DAB1: variants seen among roughly 807,000 people sequenced by gnomAD.
DAB1 encodes DAB adaptor protein 1, also known as disabled homolog 1.
In DAB1, 15 loss-of-function variants were observed where a neutral mutation model predicts 64.6. That is an observed-to-expected ratio of 0.23 (90% CI 0.16 to 0.36). The LOEUF is 0.36. Among genes scored for constraint, DAB1 ranks in the 10% least tolerant of loss-of-function variants. The pLI is 1.00. For synonymous variants in DAB1, 235 were observed against 251.9 expected (o/e 0.93, Z 0.64); for missense variants, 596 against 706.7 (o/e 0.84, Z 1.78).
intron 1 of DAB1, chr1:57,866,415 T>G (rs1654302549): frequency 6.6e-6 from 1 of 152,156 alleles, no homozygotes; most frequent in Non-Finnish European, 1.5e-5. Context: ...ATTAATGCTC[T>G]CCATTTCTTC....
At chr1:57,952,799 G>A (rs1339928094) in intron 5 of DAB1, among the ~76,000 whole-genome samples, 2 of 152,122 alleles carry the variant, frequency 1.3e-5, no homozygotes, top group East Asian at 1.9e-4. Context: ...TAAGAACAAG[G>A]TCCAACACCA....
chr1:58,297,571 A>G (rs1269309967), intron 4 of DAB1, among the ~76,000 whole-genome samples: 1 of 152,138 alleles, frequency 6.6e-6, no homozygotes, highest in Non-Finnish European at 1.5e-5. Flanking sequence ...CAGGTTCAGG[A>G]GACACAGGGA....
intron 5 of DAB1, among the ~76,000 whole-genome samples, chr1:58,069,226 C>G (rs1649070890): frequency 6.6e-6 from 1 of 152,208 alleles, no homozygotes; most frequent in South Asian, 2.1e-4. Context: ...GCACTTACAT[C>G]TATTGCCTGC....
chr1:57,949,752 C>T (rs1263295989), intron 5 of DAB1, among the ~76,000 whole-genome samples: 1 of 152,062 alleles, frequency 6.6e-6, no homozygotes, highest in Non-Finnish European at 1.5e-5. Context: ...TTTCAACAGT[C>T]TAATAATTTT....
intron 5 of DAB1, among the ~76,000 whole-genome samples, chr1:57,981,691 T>A (rs552329214): frequency 3.3e-5 from 5 of 152,190 alleles, no homozygotes; most frequent in Non-Finnish European, 5.9e-5. Context: ...CTGAATGACA[T>A]GGCAAAAATC....
chr1:58,253,416 A>C (rs1158563799), intron 4 of DAB1, among the ~76,000 whole-genome samples: 1 of 152,202 alleles, frequency 6.6e-6, no homozygotes, highest in African/African-American at 2.4e-5. Flanking sequence ...CTGAGTGTAA[A>C]TATCCTCCCC....
intron 1 of DAB1, chr1:58,538,871 A>C: frequency 1.1e-6 from 1 of 872,630 alleles, no homozygotes; most frequent in East Asian, 2.4e-5. Context: ...GCAGCTTGAA[A>C]CCGTGGAGAA....
In DAB1 at chr1:58,364,733, G is replaced by A. The variant is rs147271060; in HGVS notation, n.258-21330C>T. The stretch of plus-strand genomic sequence containing the variant: ...TATATACATGTGTGTATGTGTACTT[G>A]TAACAAACAAGGGGAAAAAATCCAC... On this transcript the variant is annotated intron_variant and non_coding_transcript_variant, in intron 3 of 20. Transcript: ENST00000485760. Among the ~76,000 whole-genome samples the A allele has an allele frequency of 1.5e-4, 23 of 152,346 alleles. No individual in the cohort carries two copies. In the East Asian group the frequency reaches 4.4e-3, roughly 29 times the overall value.
chr1:58,391,911 G>C (rs1339524265), intron 3 of DAB1, among the ~76,000 whole-genome samples: 1 of 152,122 alleles, frequency 6.6e-6, no homozygotes, highest in African/African-American at 2.4e-5. Flanking sequence ...GTAGAAACTG[G>C]GTAAGTAAGC....
At chr1:57,143,993 A>C (rs2100819249) in intron 3 of DAB1, among the ~76,000 whole-genome samples, 2 of 151,804 alleles carry the variant, frequency 1.3e-5, no homozygotes, top group East Asian at 3.9e-4. Context: ...AAAAAGTCCC[A>C]AGACAGGAAA....
At chr1:58,056,397 T>A (rs370825664) in intron 5 of DAB1, 923 of 1,568,656 alleles carry the variant, frequency 5.9e-4, no homozygotes, top group Non-Finnish European at 7.7e-4. Context: ...TGGGCACGCA[T>A]CGGGCACAGT....
At chr1:57,069,232 C>T in intron 8 of DAB1, 128 bp downstream of exon 8, 1 of 727,926 alleles carries the variant, frequency 1.4e-6, no homozygotes, top group East Asian at 2.6e-5. Context: ...GAACTAGAAG[C>T]CATTTCACTC....
intron 5 of DAB1, among the ~76,000 whole-genome samples, chr1:57,987,423 A>T (rs1319133926): frequency 6.6e-6 from 1 of 152,178 alleles, no homozygotes; most frequent in Non-Finnish European, 1.5e-5. Context: ...CCTAGTTATA[A>T]AGAAGAGCAA....
chr1:57,922,845 C>CAAAAAAAAA lies in DAB1; in HGVS notation n.388-38692_388-38684dup, dbSNP rs367897659. On this transcript the variant is annotated intron_variant and non_coding_transcript_variant, in intron 5 of 20. Transcript: ENST00000485760. ...TGGGTGACAAAGCGAGACTCCATCT[C>CAAAAAAAAA]AAAAAAAAAAAAAAAAAAAAAAAGA... Among the ~76,000 whole-genome samples, 46 of 45,010 alleles carry CAAAAAAAAA rather than the reference C, an allele frequency of 1.0e-3. 1 individual carries two copies. Among genetic ancestry groups the CAAAAAAAAA allele is most frequent in the African/African-American group, 5.0e-3 (44 of 8,854 alleles). The allele number at this position is 45,010 out of a possible 152,430, so 29.5% of individuals were successfully genotyped here.
chr1:58,122,700 T>C (rs146543032), intron 5 of DAB1, among the ~76,000 whole-genome samples: 54 of 152,288 alleles, frequency 3.5e-4, no homozygotes, highest in African/African-American at 1.2e-3. Flanking sequence ...CACTAGGTGA[T>C]CTTGAAAAAG....
chr1:57,606,164 C>T (rs977780493), intron 7 of DAB1: 2 of 222,902 alleles, frequency 9.0e-6, no homozygotes, highest in Admixed American at 6.4e-5. Context: ...TGAATTGCCA[C>T]CTCCGGCTCC....
At chr1:58,508,684 T>A (rs888405375) in intron 2 of DAB1, among the ~76,000 whole-genome samples, 1 of 152,114 alleles carries the variant, frequency 6.6e-6, no homozygotes, top group African/African-American at 2.4e-5. Context: ...GCCAGCCTTG[T>A]AGCACTGATG....
rs1658204827 is a variant in DAB1 at position 57,137,218 on chromosome 1, T to C, written c.208-577A>G. On this transcript the variant is annotated intron_variant, in intron 3 of 14. Coordinates refer to ENST00000371236, the MANE Select transcript of DAB1 (RefSeq NM_001365792.1). ...GATATTTTGTGTTTACCACTACCCT[T>C]GTTCCTCTCATTCTCACATTCCATT... is the stretch of plus-strand genomic sequence containing the variant. Among the ~76,000 whole-genome samples, 3 of 152,222 alleles carry C rather than the reference T, an allele frequency of 2.0e-5. No individual in the cohort carries two copies. In the South Asian group the frequency reaches 6.2e-4, roughly 31 times the overall value.
chr1:58,039,196 A>G (rs1046245090), intron 5 of DAB1, among the ~76,000 whole-genome samples: 4 of 152,148 alleles, frequency 2.6e-5, no homozygotes, highest in African/African-American at 7.2e-5. Flanking sequence ...ATGTTAACCA[A>G]TCGCTCTAGA....
Sources: allele counts gnomAD v4.1 joint callset (sites outside exome capture counted in the v4.1 genomes callset), GRCh38; gene constraint gnomAD v4.1.1; transcripts MANE v1.5; gene names NCBI Gene and HGNC (gene_info 2026-07-23, HGNC 2026-07-21).